LAMA1: variants seen among roughly 807,000 people sequenced by gnomAD.
LAMA1 encodes the protein laminin subunit alpha 1, also known as laminin subunit alpha-1.
LAMA1 carries 219 observed loss-of-function variants against 348.7 expected under a neutral mutation model. The observed-to-expected ratio is 0.63, with a 90% CI of 0.56 to 0.70. The LOEUF is 0.70. Ranked by LOEUF, LAMA1 falls within the 30% of genes least tolerant of loss-of-function variation. LAMA1 has a pLI of 0.00. For synonymous variants in LAMA1, 1,487 were observed against 1,491.0 expected (o/e 1.00, Z 0.06); for missense variants, 3,744 against 3,888.0 (o/e 0.96, Z 0.99).
intron 61 of LAMA1, among the ~76,000 whole-genome samples, chr18:6,946,516 G>C (rs1038778562): frequency 6.6e-6 from 1 of 152,018 alleles, no homozygotes; most frequent in Non-Finnish European, 1.5e-5. Context: ...TCAGGAGTTC[G>C]AGAACAGCCT....
At position 6,950,919 on chromosome 18, in the gene LAMA1, A is replaced by G. The variant is rs886042938; in HGVS notation, c.8260T>C (p.Tyr2754His). 2 of 1,614,084 alleles carry G rather than the reference A, an allele frequency of 1.2e-6. No individual in the cohort carries two copies. Among genetic ancestry groups the G allele is most frequent in the African/African-American group, 1.3e-5 (1 of 74,934 alleles). Residue 2754 changes from tyrosine to histidine, a missense_variant, in exon 58 of 63, where the codon TAC becomes CAC. Tyr to His is a moderately conservative substitution (Grantham distance 83). Transcript: ENST00000389658. ...RTFASSGLIY[Y>H]MAHQNQADYA... ...TCTGCTTGGTTCTGATGAGCCATGT[A>G]GTAAATCAGGCCGCTGGAGGCGAAC...
In LAMA1 at chr18:6,993,704, T is replaced by C; in HGVS notation, c.4945A>G (p.Arg1649Gly). The C allele has an allele frequency of 1.2e-6, 2 of 1,614,126 alleles. No homozygotes were observed. Among genetic ancestry groups the C allele is most frequent in the Non-Finnish European group, 1.7e-6 (2 of 1,179,984 alleles). Reference protein sequence around the residue: ...STQKVNRATERIFKESQDLAI... With the variant: ...STQKVNRATEGIFKESQDLAI... ...AGGTCTTGACTCTCCTTGAAGATTCTCTCAGTTGCCCTATTCACCTTTTGG... is the reference window on the plus strand; with the variant it reads ...AGGTCTTGACTCTCCTTGAAGATTCCCTCAGTTGCCCTATTCACCTTTTGG... Residue 1649 changes from arginine (R) to glycine (G), a missense_variant, in exon 35 of 63, where the codon AGA becomes GGA. By Grantham distance (125) the Arg-to-Gly change is moderately radical (BLOSUM62 -2). Around this residue, in one of 3 missense-constraint regions of LAMA1, gnomAD observed 1,983 missense variants for 1,934.3 expected, o/e 1.03. Coordinates refer to ENST00000389658, the MANE Select transcript of LAMA1 (RefSeq NM_005559.4).
At chr18:6,971,229 A>T (rs2057656915) in intron 48 of LAMA1, among the ~76,000 whole-genome samples, 1 of 152,214 alleles carries the variant, frequency 6.6e-6, no homozygotes, top group African/African-American at 2.4e-5. Flanking sequence ...TTGGGGGGGA[A>T]GATGTTGCAC....
rs1366426629 is a variant in LAMA1 at position 6,982,525 on chromosome 18, T to G, written c.5862A>C (p.Glu1954Asp). 1.2e-6 allele frequency: 2 copies of G among 1,614,076 alleles called. No individual in the cohort carries two copies. The highest frequency in any genetic ancestry group is 1.7e-6 in the Non-Finnish European group (2 of 1,180,046). The change falls in exon 41 of 63, where the codon GAA becomes GAC. Residue 1954 changes from glutamate to aspartate, a missense_variant. This residue lies in a region of LAMA1 where 1,983 missense variants were observed against 1,934.3 expected (regional missense o/e 1.03). Coordinates refer to ENST00000389658, the MANE Select transcript of LAMA1 (RefSeq NM_005559.4). ...GAAGCTTCCTGCTGAGGTTGTTGCC[T>G]TCTTTTAGAAATCTGGAGCTGCGCT... Reference protein sequence around the residue: ...AVQRSSRFLKEGNNLSRKLPG... With the variant: ...AVQRSSRFLKDGNNLSRKLPG...
chr18:6,959,332 T>C lies in LAMA1; in HGVS notation c.7778+9A>G. The C allele has an allele frequency of 6.2e-7, 1 of 1,614,086 alleles. No homozygotes were observed. Among genetic ancestry groups the C allele is most frequent in the Non-Finnish European group, 8.5e-7 (1 of 1,180,010 alleles). On this transcript the variant is annotated intron_variant, in intron 54 of 62. Coordinates refer to ENST00000389658, the MANE Select transcript of LAMA1 (RefSeq NM_005559.4). Reference sequence around the variant, plus strand: ...CTTCATTACACACTGCCTGGCCGCGTGCAAGTACCTCCGATTCCTGACCAA... The same window carrying C: ...CTTCATTACACACTGCCTGGCCGCGCGCAAGTACCTCCGATTCCTGACCAA...
intron 51 of LAMA1, among the ~76,000 whole-genome samples, chr18:6,964,300 T>C (rs1360309125): frequency 6.6e-6 from 1 of 152,210 alleles, no homozygotes; most frequent in Non-Finnish European, 1.5e-5. Context: ...TATGTGTGAA[T>C]GTGGCCTTCA....
At chr18:7,041,456 C>T (rs1386017279) in intron 9 of LAMA1, among the ~76,000 whole-genome samples, 7 of 152,120 alleles carry the variant, frequency 4.6e-5, no homozygotes. Context: ...TTTACCCTCC[C>T]CATCGCTGGG....
At chr18:6,995,482 G>T (rs372084201) in intron 33 of LAMA1, 36 bp from the exon 34 acceptor site, 2 of 1,082,652 alleles carry the variant, frequency 1.8e-6, no homozygotes, top group Non-Finnish European at 2.9e-6. Context: ...ACAATGCTTC[G>T]AAGTAAAATG....
At chr18:7,022,670 A>T (rs1277404412) in intron 19 of LAMA1, among the ~76,000 whole-genome samples, 2 of 152,198 alleles carry the variant, frequency 1.3e-5, no homozygotes, top group Non-Finnish European at 2.9e-5. Context: ...TCAAGGATCG[A>T]ATTCAGCAGA....
chr18:7,008,739 G>C, intron 27 of LAMA1, 131 bp from the exon 28 acceptor site: 1 of 997,902 alleles, frequency 1.0e-6, no homozygotes, highest in East Asian at 2.5e-5. Context: ...GTTCCTGCTT[G>C]TGATTGTAAG....
At chr18:6,943,100 C>G (rs1259917675) in intron 62 of LAMA1, 80 bp downstream of exon 62, 1 of 1,214,302 alleles carries the variant, frequency 8.2e-7, no homozygotes, top group African/African-American at 1.5e-5. Context: ...TTCTCAATCC[C>G]TATTCTACAT....
intron 25 of LAMA1, 34 bp downstream of exon 25, chr18:7,011,266 C>T: frequency 1.2e-6 from 2 of 1,605,460 alleles, no homozygotes; most frequent in South Asian, 2.2e-5. Flanking sequence ...TCCTAGGAAG[C>T]ACCGACTGGC....
At chr18:6,982,474 C>T (rs1298719054) in intron 41 of LAMA1, 23 bp downstream of exon 41, 5 of 1,605,512 alleles carry the variant, frequency 3.1e-6, no homozygotes, top group African/African-American at 1.3e-5. Context: ...TGCCTGTCTA[C>T]ACCGTCCGAG....
intron 9 of LAMA1, among the ~76,000 whole-genome samples, chr18:7,040,808 G>T (rs529639747): frequency 1.8e-4 from 27 of 152,228 alleles, no homozygotes; most frequent in African/African-American, 6.0e-4. Flanking sequence ...ATATTATTTG[G>T]TAATAAAAAG....
chr18:7,050,632 A>C (rs2058058509), intron 4 of LAMA1, 62 bp downstream of exon 4: 19 of 1,610,642 alleles, frequency 1.2e-5, no homozygotes, highest in Non-Finnish European at 1.6e-5. Context: ...ATCAATTTTG[A>C]GTCTGAGACA....
intron 13 of LAMA1, 43 bp from the exon 14 acceptor site, chr18:7,034,733 T>G: frequency 6.5e-7 from 1 of 1,539,272 alleles, no homozygotes; most frequent in Non-Finnish European, 8.9e-7. Flanking sequence ...TCATTCAATT[T>G]AATGATAAAA....
At chr18:6,955,637 C>T (rs1033247550) in intron 56 of LAMA1, 172 bp from the exon 57 acceptor site, 22 of 693,378 alleles carry the variant, frequency 3.2e-5, no homozygotes, top group African/African-American at 7.0e-5. Flanking sequence ...CACTCGCCAG[C>T]GCTTTATCTC....
chr18:6,973,005 A>G (rs2057665120), intron 47 of LAMA1, 52 bp downstream of exon 47: 15 of 1,605,240 alleles, frequency 9.3e-6, no homozygotes, highest in Non-Finnish European at 1.3e-5. Context: ...ACTTTTATAT[A>G]TAGGTAAAAT....
Position 6,956,678 on chromosome 18 carries a change from A to T in LAMA1, c.8052T>A (p.Asp2684Glu). 6.2e-7 allele frequency: 1 copy of T among 1,614,220 alleles called. No individual in the cohort carries two copies. Among genetic ancestry groups the T allele is most frequent in the Non-Finnish European group, 8.5e-7 (1 of 1,180,042 alleles). Residue 2684 changes from aspartate (D) to glutamate (E), a missense_variant, in exon 56 of 63, where the codon GAT becomes GAA. This residue lies in a region of LAMA1 where 1,983 missense variants were observed against 1,934.3 expected (regional missense o/e 1.03). Transcript: ENST00000389658. Reference protein sequence around the residue: ...WLSERPKLAPDAEDSKLLPEP... With the variant: ...WLSERPKLAPEAEDSKLLPEP... ...CTGGCAAGAGCTTGCTGTCCTCTGC[A>T]TCGGGAGCCAGCTTAGGCCTTTCTG... is the stretch of plus-strand genomic sequence containing the variant.
Sources: allele counts gnomAD v4.1 joint callset (sites outside exome capture counted in the v4.1 genomes callset), GRCh38; gene constraint gnomAD v4.1.1; regional missense constraint gnomAD v4.1.1; transcripts MANE v1.5; gene names NCBI Gene and HGNC (gene_info 2026-07-23, HGNC 2026-07-21).